DAB1: variants seen among roughly 807,000 people sequenced by gnomAD.
DAB1 encodes the protein DAB adaptor protein 1, also known as disabled homolog 1.
In DAB1, 15 loss-of-function variants were observed where a neutral mutation model predicts 64.6. The ratio of observed to expected loss-of-function variants is 0.23; its 90% CI spans 0.16 to 0.36. DAB1 has a LOEUF of 0.36. Ranked by LOEUF, DAB1 falls within the 10% of genes least tolerant of loss-of-function variation. DAB1 has a pLI of 1.00. For missense variants in DAB1, 596 were observed against 706.7 expected, an observed-to-expected ratio of 0.84 and a Z score of 1.78; for synonymous variants, 235 against 251.9, an observed-to-expected ratio of 0.93 and a Z score of 0.64.
intron 1 of DAB1, among the ~76,000 whole-genome samples, chr1:57,339,999 G>C (rs568236443): frequency 1.3e-5 from 2 of 152,126 alleles, no homozygotes. Flanking sequence ...TTCATTCAAA[G>C]GATTCATCCT....
At chr1:58,144,643 A>C (rs1222420882) in intron 5 of DAB1, among the ~76,000 whole-genome samples, 1 of 152,246 alleles carries the variant, frequency 6.6e-6, no homozygotes, top group Non-Finnish European at 1.5e-5. Context: ...CATCAATCTA[A>C]CATGTAAACC....
intron 7 of DAB1, among the ~76,000 whole-genome samples, chr1:57,462,389 A>C (rs188762345): frequency 6.6e-6 from 1 of 152,330 alleles, no homozygotes; most frequent in East Asian, 1.9e-4. Context: ...ATATTGAAAG[A>C]ATCAGTGGTT....
intron 9 of DAB1, among the ~76,000 whole-genome samples, chr1:57,048,338 T>G (rs544233820): frequency 3.3e-5 from 5 of 152,212 alleles, no homozygotes; most frequent in Non-Finnish European, 7.3e-5. Context: ...GTAGCTCTTT[T>G]CATCTTGTTG....
intron 2 of DAB1, among the ~76,000 whole-genome samples, chr1:57,288,837 C>G (rs935963608): frequency 6.6e-6 from 1 of 152,056 alleles, no homozygotes; most frequent in African/African-American, 2.4e-5. Context: ...TCACAGCTAA[C>G]CTTTGTTAAG....
At chr1:58,162,347 T>G (rs564341716) in intron 4 of DAB1, among the ~76,000 whole-genome samples, 4 of 152,280 alleles carry the variant, frequency 2.6e-5, no homozygotes, top group Non-Finnish European at 2.9e-5. Flanking sequence ...TTCTTTTTTT[T>G]CTCTATTCTT....
chr1:57,708,504 G>T (rs1646992604), intron 6 of DAB1, among the ~76,000 whole-genome samples: 1 of 152,234 alleles, frequency 6.6e-6, no homozygotes, highest in Admixed American at 6.5e-5. Flanking sequence ...CAGCAAAGCA[G>T]CAGGGCTTGC....
chr1:58,041,845 A>C (rs1485741639), intron 5 of DAB1, among the ~76,000 whole-genome samples: 1 of 152,244 alleles, frequency 6.6e-6, no homozygotes, highest in East Asian at 1.9e-4. Context: ...CCAGAGTCAG[A>C]ACCACAAAAT....
intron 2 of DAB1, among the ~76,000 whole-genome samples, chr1:57,189,239 C>G (rs1158488911): frequency 2.6e-5 from 4 of 152,174 alleles, no homozygotes; most frequent in African/African-American, 9.7e-5. Flanking sequence ...GATATAATAG[C>G]TGACATTTGG....
chr1:57,761,709 G>C (rs1251653530), intron 6 of DAB1, among the ~76,000 whole-genome samples: 2 of 152,180 alleles, frequency 1.3e-5, no homozygotes, highest in African/African-American at 4.8e-5. Context: ...CTACACAACG[G>C]ACCAGAGTCA....
intron 1 of DAB1, among the ~76,000 whole-genome samples, chr1:57,869,025 C>G (rs1654423121): frequency 6.6e-6 from 1 of 152,120 alleles, no homozygotes; most frequent in Non-Finnish European, 1.5e-5. Context: ...ATCTCCTGGC[C>G]TCCCTAAGAC....
chr1:58,388,833 G>A (rs1557746844), intron 3 of DAB1, among the ~76,000 whole-genome samples: 3 of 152,300 alleles, frequency 2.0e-5, no homozygotes, highest in African/African-American at 7.2e-5. Context: ...GGAAGAGACA[G>A]GTACTTTTGA....
intron 7 of DAB1, among the ~76,000 whole-genome samples, chr1:57,642,166 A>T (rs112951539): frequency 5.3e-5 from 8 of 151,186 alleles, no homozygotes; most frequent in African/African-American, 2.0e-4. Flanking sequence ...AGAAACAATG[A>T]AAAAACATGT....
intron 9 of DAB1, among the ~76,000 whole-genome samples, chr1:57,052,496 A>G (rs537694456): frequency 1.8e-4 from 28 of 152,292 alleles, no homozygotes; most frequent in African/African-American, 5.8e-4. Context: ...ATAATACTTG[A>G]GAAAGTTCTT....
chr1:58,272,586 C>A (rs1412084835), intron 4 of DAB1, among the ~76,000 whole-genome samples: 2 of 118,662 alleles, frequency 1.7e-5, no homozygotes, highest in Non-Finnish European at 3.5e-5. Flanking sequence ...ACCTTGTTGA[C>A]TTTCTGTCTC....
At chr1:57,729,170 C>T (rs951978136) in intron 6 of DAB1, among the ~76,000 whole-genome samples, 1 of 152,206 alleles carries the variant, frequency 6.6e-6, no homozygotes, top group African/African-American at 2.4e-5. Context: ...GAAAATGTGG[C>T]TTTAAGGAAG....
intron 4 of DAB1, among the ~76,000 whole-genome samples, chr1:58,194,205 G>A (rs1338187127): frequency 1.3e-5 from 2 of 152,166 alleles, no homozygotes; most frequent in African/African-American, 4.8e-5. Flanking sequence ...TATACCCAGA[G>A]AACAGTAGCT....
rs1662378575 is a variant in DAB1 at position 58,309,397 on chromosome 1, T to C, written n.309+33955A>G. 3.3e-5 allele frequency among the ~76,000 whole-genome samples: 5 copies of C among 152,180 alleles called. No individual in the cohort carries two copies. In the South Asian group the frequency reaches 1.0e-3, roughly 32 times the overall value. On this transcript the variant is annotated intron_variant and non_coding_transcript_variant, in intron 4 of 20. Transcript: ENST00000485760. Reference sequence around the variant, plus strand: ...CAACTGTGCCACCACAAACACATTATAGGTATCCCCAGATACTTAACATCT... The same window carrying C: ...CAACTGTGCCACCACAAACACATTACAGGTATCCCCAGATACTTAACATCT...
At chr1:57,274,873 C>T (rs376188504) in intron 2 of DAB1, among the ~76,000 whole-genome samples, 29 of 137,646 alleles carry the variant, frequency 2.1e-4, no homozygotes, top group East Asian at 1.5e-3. Flanking sequence ...TGAGCCACCG[C>T]GCTCAGCCAA....
At chr1:57,608,923 A>T (rs1469561919) in intron 7 of DAB1, among the ~76,000 whole-genome samples, 1 of 152,138 alleles carries the variant, frequency 6.6e-6, no homozygotes, top group Admixed American at 6.5e-5. Context: ...ACCATCTTTA[A>T]GTTATTGTGA....
Sources: allele counts gnomAD v4.1 joint callset (sites outside exome capture counted in the v4.1 genomes callset), GRCh38; gene constraint gnomAD v4.1.1; transcripts MANE v1.5; gene names NCBI Gene and HGNC (gene_info 2026-07-23, HGNC 2026-07-21).